CHMP2B: variants seen among roughly 807,000 people sequenced by gnomAD.
The protein encoded by CHMP2B is VPS2 homolog B.
Under a neutral mutation model 29.8 loss-of-function variants are expected in CHMP2B, and 22 were observed. The observed-to-expected ratio is 0.74, with a 90% CI of 0.53 to 1.05. The LOEUF (loss-of-function observed/expected upper bound fraction) is 1.05, where lower values mean the gene tolerates loss of function less well. CHMP2B is among the 50% of genes least tolerant of loss of function. The probability of loss-of-function intolerance (pLI) is 0.00; values close to 1 mark genes in which losing one functional copy is unlikely to be tolerated. For synonymous variants in CHMP2B, 78 were observed against 75.8 expected (o/e 1.03, Z -0.15); for missense variants, 261 against 252.2 (o/e 1.03, Z -0.24).
chr3:87,243,871 C>T (rs375691804), intron 2 of CHMP2B, among the ~76,000 whole-genome samples: 21 of 151,846 alleles, frequency 1.4e-4, no homozygotes, highest in African/African-American at 5.1e-4. Context: ...TTCTCTCTCT[C>T]TCTGTCTCTT....
chr3:87,235,516 A>G (rs188765443), intron 1 of CHMP2B, among the ~76,000 whole-genome samples: 1 of 152,318 alleles, frequency 6.6e-6, no homozygotes, highest in African/African-American at 2.4e-5. Flanking sequence ...ATTAACAACT[A>G]TGAGGCTGTG....
chr3:87,228,326 A>G (rs1705850886), intron 1 of CHMP2B, among the ~76,000 whole-genome samples: 1 of 152,248 alleles, frequency 6.6e-6, no homozygotes, highest in South Asian at 2.1e-4. Context: ...GATGCCTATA[A>G]TGTGTTTATA....
chr3:87,253,279 TTA>T (rs1706348154), intron 4 of CHMP2B, 123 bp from the exon 5 acceptor site: 3 of 679,800 alleles, frequency 4.4e-6, no homozygotes, highest in Non-Finnish European at 8.2e-6. Flanking sequence ...AAGGATTTTT[TTA>T]GTTTGTTCAC....
In CHMP2B at chr3:87,240,801, C is replaced by G. The variant is rs372974735; in HGVS notation, c.126+11C>G. ...CAAGAAAAACAGCTGGTAAGTAGAA[C>G]GTTAAATTTCAGTTTAACTTTTCAA... On this transcript the variant is annotated intron_variant, in intron 2 of 5. Transcript: ENST00000263780. 2 of 1,598,100 alleles carry G rather than the reference C, an allele frequency of 1.3e-6. No homozygotes were observed. Among genetic ancestry groups the G allele is most frequent in the East Asian group, 2.2e-5 (1 of 44,744 alleles).
intron 4 of CHMP2B, among the ~76,000 whole-genome samples, chr3:87,252,855 G>C (rs979126708): frequency 2.0e-5 from 3 of 151,942 alleles, no homozygotes; most frequent in African/African-American, 4.8e-5. Context: ...AAGAGAGGTA[G>C]AAAAGGTTGT....
intron 1 of CHMP2B, among the ~76,000 whole-genome samples, chr3:87,232,386 T>C (rs1011009919): frequency 6.6e-6 from 1 of 152,194 alleles, no homozygotes; most frequent in Non-Finnish European, 1.5e-5. Flanking sequence ...ACTATTCTCA[T>C]GGTGGTACCT....
intron 2 of CHMP2B, among the ~76,000 whole-genome samples, chr3:87,243,391 T>TTTTG (rs1027554464): frequency 1.8e-4 from 27 of 152,070 alleles, no homozygotes; most frequent in Admixed American, 4.6e-4. Flanking sequence ...GGTGGGTTTT[T>TTTTG]TTTGTTTGTT....
chr3:87,242,084 T>A (rs1005216388), intron 2 of CHMP2B, among the ~76,000 whole-genome samples: 5 of 152,186 alleles, frequency 3.3e-5, no homozygotes, highest in African/African-American at 4.8e-5. Flanking sequence ...GTTTACCATT[T>A]ACTTATCTTT....
chr3:87,234,869 A>G lies in CHMP2B; in HGVS notation c.35-5830A>G, dbSNP rs551429162. Among the ~76,000 whole-genome samples the G allele has an allele frequency of 6.6e-4, 100 of 152,364 alleles. 1 individual carries two copies. Among genetic ancestry groups the G allele is most frequent in the Non-Finnish European group, 1.3e-3 (90 of 68,042 alleles). The stretch of plus-strand genomic sequence containing the variant: ...AAAAATCGGGGAAGTAGAAAGTTAT[A>G]AGGAAAACAGCCAATTATTTCAATG... On this transcript the variant is annotated intron_variant, in intron 1 of 5. Transcript: ENST00000263780.
intron 1 of CHMP2B, among the ~76,000 whole-genome samples, chr3:87,236,191 T>A (rs1449677910): frequency 6.6e-6 from 1 of 152,078 alleles, no homozygotes; most frequent in Non-Finnish European, 1.5e-5. Context: ...AGTTAAAAGT[T>A]CCCACCCTTT....
intron 1 of CHMP2B, among the ~76,000 whole-genome samples, chr3:87,234,407 C>T (rs551935702): frequency 1.3e-5 from 2 of 152,300 alleles, no homozygotes; most frequent in African/African-American, 4.8e-5. Context: ...ATGATCTCAT[C>T]ACTCTACTGT....
At chr3:87,245,650 G>A in intron 2 of CHMP2B, 64 bp from the exon 3 acceptor site, 1 of 1,359,676 alleles carries the variant, frequency 7.4e-7, no homozygotes, top group Non-Finnish European at 1.0e-6. Flanking sequence ...CTGTTCTTCT[G>A]AAATAAATTA....
At chr3:87,241,180 G>A (rs904288079) in intron 2 of CHMP2B, among the ~76,000 whole-genome samples, 16 of 152,092 alleles carry the variant, frequency 1.1e-4, no homozygotes, top group South Asian at 4.1e-4. Flanking sequence ...TTTAAAGATC[G>A]TTGTGTCTTT....
chr3:87,253,550 C>A, intron 5 of CHMP2B, 40 bp downstream of exon 5: 1 of 1,427,366 alleles, frequency 7.0e-7, no homozygotes, highest in Non-Finnish European at 9.9e-7. Context: ...ATAGTTTCTG[C>A]CTACCACGTT....
At chr3:87,245,213 A>G (rs560243897) in intron 2 of CHMP2B, among the ~76,000 whole-genome samples, 2 of 152,214 alleles carry the variant, frequency 1.3e-5, no homozygotes, top group Admixed American at 6.5e-5. Context: ...TTGTTTTTGT[A>G]TAAGTTGGTG....
At position 87,255,465 on chromosome 3, in the gene CHMP2B, C is replaced by T. The variant is rs1360488862; in HGVS notation, c.*1643C>T. 1 of 152,234 alleles carries T rather than the reference C, an allele frequency of 6.6e-6. No homozygotes were observed. Among genetic ancestry groups the T allele is most frequent in the East Asian group, 1.9e-4 (1 of 5,184 alleles). 9.4% of individuals were successfully genotyped at this position (152,234 alleles called of 1,614,324 possible). ...TTCAAAAATTATTTTGTTAAAAAAT[C>T]TCAATAAAGATTTATTATTGTTGTT... On this transcript the variant is annotated 3_prime_UTR_variant, in exon 6 of 6. Transcript: ENST00000263780.
At chr3:87,250,643 CTTT>C (rs1235396366) in intron 4 of CHMP2B, among the ~76,000 whole-genome samples, 1 of 151,846 alleles carries the variant, frequency 6.6e-6, no homozygotes, top group Admixed American at 6.6e-5. Flanking sequence ...TCTCTGAAGT[CTTT>C]TTAAAAAATA....
intron 2 of CHMP2B, among the ~76,000 whole-genome samples, chr3:87,243,524 TG>T (rs2106905524): frequency 6.6e-6 from 1 of 152,260 alleles, no homozygotes; most frequent in South Asian, 2.1e-4. Context: ...TAGCTTGAGT[TG>T]GCAAGGGTCC....
chr3:87,234,091 T>C (rs1705956314), intron 1 of CHMP2B, among the ~76,000 whole-genome samples: 1 of 152,102 alleles, frequency 6.6e-6, no homozygotes, highest in African/African-American at 2.4e-5. Context: ...TTAAATAGTA[T>C]TACTCACAAA....
Sources: allele counts gnomAD v4.1 joint callset (sites outside exome capture counted in the v4.1 genomes callset), GRCh38; gene constraint gnomAD v4.1.1; transcripts MANE v1.5; gene names NCBI Gene and HGNC (gene_info 2026-07-23, HGNC 2026-07-21).